The following HSH2D variants were observed in gnomAD, a reference collection of about 807,000 sequenced individuals.
The protein encoded by HSH2D is hematopoietic SH2 domain containing.
A neutral mutation model predicts 21.5 loss-of-function variants in HSH2D; 16 were observed. The ratio of observed to expected loss-of-function variants is 0.74; its 90% CI spans 0.50 to 1.13. The LOEUF (loss-of-function observed/expected upper bound fraction) is 1.13, where lower values mean the gene tolerates loss of function less well. HSH2D is among the 50% of genes most tolerant of loss of function. The pLI is 0.00. For missense variants in HSH2D, 418 were observed against 441.4 expected (o/e 0.95, Z 0.47); for synonymous variants, 172 against 184.7 (o/e 0.93, Z 0.56).
At chr19:16,142,958 A>G (rs137901343), upstream of HSH2D, among the ~76,000 whole-genome samples, 862 of 146,468 alleles carry the variant, frequency 5.9e-3, 6 homozygotes, top group African/African-American at 0.021. Flanking sequence ...TAGTAGAGAC[A>G]GGGTTTTACC....
At chr19:16,137,840 G>C (rs1568325228) in intron 1 of HSH2D, among the ~76,000 whole-genome samples, 1 of 152,146 alleles carries the variant, frequency 6.6e-6, no homozygotes, top group Non-Finnish European at 1.5e-5. Context: ...CTCCCAAAGT[G>C]TTGGGATTAC....
chr19:16,150,187 A>G (rs2091129428), intron 2 of HSH2D, among the ~76,000 whole-genome samples: 2 of 152,016 alleles, frequency 1.3e-5, no homozygotes, highest in South Asian at 4.2e-4. Context: ...AGGCGGGAGG[A>G]TCGCTTGAGC....
In HSH2D at chr19:16,152,550, A is replaced by C; in HGVS notation, c.126-2A>C. 1 of 1,488,642 alleles carries C rather than the reference A, an allele frequency of 6.7e-7. No homozygotes were observed. Among genetic ancestry groups the C allele is most frequent in the South Asian group, 1.4e-5 (1 of 69,352 alleles). 92.2% of individuals were successfully genotyped at this position (1,488,642 alleles called of 1,614,324 possible). A position where few individuals can be genotyped will look rare whatever the true frequency, so the allele number is the denominator to read the frequency against. On this transcript the variant is annotated splice_acceptor_variant, in intron 2 of 5. Coordinates refer to ENST00000613986, the MANE Select transcript of HSH2D (RefSeq NM_001382417.1). LOFTEE classifies it high-confidence loss of function. ...ATTTCCTTTCTGTGTGTGCCCTTCC[A>C]GGGATGCTGAGAACTTGCTGGAGTC...
intron 1 of HSH2D, among the ~76,000 whole-genome samples, chr19:16,144,241 C>G (rs1568327868): frequency 1.3e-5 from 2 of 152,054 alleles, no homozygotes; most frequent in South Asian, 4.2e-4. Context: ...CTAGGAGGCC[C>G]TCAGGCTGGT....
chr19:16,153,068 A>G lies in HSH2D; in HGVS notation c.241A>G (p.Met81Val), dbSNP rs1363415276. 2 of 1,611,338 alleles carry G rather than the reference A, an allele frequency of 1.2e-6. No individual in the cohort carries two copies. Among genetic ancestry groups the G allele is most frequent in the South Asian group, 2.2e-5 (2 of 90,436 alleles). Residue 81 changes from methionine (M) to valine (V), a missense_variant, in exon 4 of 6, where the codon ATG (methionine) becomes GTG (valine). Physicochemically the swap from Met to Val is conservative, Grantham distance 21. Transcript: ENST00000613986. ...AGCCCAAAGCAGCTGCTGCCATTTC[A>G]TGGTGAAGCTCTTGGATGATGGGAC... ...YKAQSSCCHFMVKLLDDGTFM... is the reference protein window; with the variant it reads ...YKAQSSCCHFVVKLLDDGTFM...
rs1488552941 is a variant in HSH2D at position 16,151,491 on chromosome 19, G to T, written c.126-1061G>T. The stretch of plus-strand genomic sequence containing the variant: ...TACTCTCCCCTTGAGGAAGCTGAAG[G>T]TCAGAAAGGGAGAGACGATTGCCTG... On this transcript the variant is annotated intron_variant, in intron 2 of 5. Coordinates refer to ENST00000613986, the MANE Select transcript of HSH2D (RefSeq NM_001382417.1). 5 of 455,646 alleles carry T rather than the reference G, an allele frequency of 1.1e-5. No individual in the cohort carries two copies. The East Asian group carries it at 3.5e-4, about 32-fold the overall frequency. The allele number at this position is 455,646 out of a possible 1,614,324, so 28.2% of individuals were successfully genotyped here.
Position 16,157,818 on chromosome 19 carries a change from G to A in HSH2D, c.*24G>A. 6.6e-7 allele frequency: 1 copy of A among 1,507,742 alleles called. No homozygotes were observed. The allele number at this position is 1,507,742 out of a possible 1,614,324, so 93.4% of individuals were successfully genotyped here. On this transcript the variant is annotated 3_prime_UTR_variant, in exon 6 of 6. Coordinates refer to ENST00000613986, the MANE Select transcript of HSH2D (RefSeq NM_001382417.1). The surrounding 1 kb of genome is among the most constrained non-coding windows in gnomAD (Gnocchi z 4.4). The stretch of plus-strand genomic sequence containing the variant: ...AGAGAACAGGTCCACCCTGGCTCTG[G>A]GACTCGCTGCCAGGGGCTGCCACAC...
chr19:16,139,487 C>T (rs771391626), upstream of HSH2D, among the ~76,000 whole-genome samples: 5 of 152,074 alleles, frequency 3.3e-5, no homozygotes, highest in Non-Finnish European at 5.9e-5. Context: ...GAGGCTGAGG[C>T]GGGAGGATCA....
chr19:16,149,972 T>C (rs2091127530), intron 2 of HSH2D, among the ~76,000 whole-genome samples: 1 of 152,144 alleles, frequency 6.6e-6, no homozygotes, highest in African/African-American at 2.4e-5. Flanking sequence ...GGCCACTCTC[T>C]GCATGCAGGA....
chr19:16,138,108 T>C (rs893318252), intron 1 of HSH2D, among the ~76,000 whole-genome samples: 1 of 152,122 alleles, frequency 6.6e-6, no homozygotes, highest in Non-Finnish European at 1.5e-5. Context: ...CCTCAGGTGA[T>C]CCACCCACCT....
chr19:16,136,217 T>G (rs1485769575), intron 1 of HSH2D, among the ~76,000 whole-genome samples: 1 of 152,218 alleles, frequency 6.6e-6, no homozygotes. Flanking sequence ...CTGCCACGGA[T>G]GCCTGATAAA....
At chr19:16,134,933 T>C (rs1342664355) in intron 1 of HSH2D, among the ~76,000 whole-genome samples, 1 of 142,878 alleles carries the variant, frequency 7.0e-6, no homozygotes, top group African/African-American at 2.5e-5. Context: ...AAGACCATCC[T>C]GGACAACATA....
chr19:16,134,976 AAG>A (rs919742579), intron 1 of HSH2D, among the ~76,000 whole-genome samples: 5 of 151,700 alleles, frequency 3.3e-5, no homozygotes, highest in East Asian at 1.9e-4. Context: ...AAAAAAAAAA[AAG>A]TACAAAAATT....
At chr19:16,152,490 A>G (rs2091172510) in intron 2 of HSH2D, 62 bp from the exon 3 acceptor site, 19 of 964,384 alleles carry the variant, frequency 2.0e-5, no homozygotes, top group East Asian at 8.4e-5. Flanking sequence ...TGGCCCCAGG[A>G]GTCTAACTGG....
At chr19:16,136,160 A>G (rs2090962580) in intron 1 of HSH2D, among the ~76,000 whole-genome samples, 1 of 152,112 alleles carries the variant, frequency 6.6e-6, no homozygotes, top group African/African-American at 2.4e-5. Flanking sequence ...CCGAGCACGC[A>G]CTCAGGAGGA....
intron 2 of HSH2D, among the ~76,000 whole-genome samples, chr19:16,149,284 C>G (rs2091115952): frequency 6.6e-6 from 1 of 151,832 alleles, no homozygotes; most frequent in Non-Finnish European, 1.5e-5. Context: ...CTCACTGCAA[C>G]CTCTGCCTCC....
intron 1 of HSH2D, among the ~76,000 whole-genome samples, 158 bp downstream of exon 1, chr19:16,143,932 A>G (rs969969656): frequency 1.3e-5 from 2 of 151,968 alleles, no homozygotes; most frequent in African/African-American, 2.4e-5. Context: ...TGTGGTGACC[A>G]CAAATGGAAA....
At chr19:16,145,170 C>T (rs2091051306) in intron 1 of HSH2D, among the ~76,000 whole-genome samples, 1 of 151,786 alleles carries the variant, frequency 6.6e-6, no homozygotes, top group Admixed American at 6.6e-5. Flanking sequence ...TCCTGAGTAG[C>T]TGAGACTACA....
intron 5 of HSH2D, among the ~76,000 whole-genome samples, chr19:16,155,031 C>G (rs990361596): frequency 1.1e-4 from 16 of 152,208 alleles, no homozygotes; most frequent in African/African-American, 3.4e-4. Flanking sequence ...GAGACTCCAT[C>G]TGGCTTGTTT....
Sources: allele counts gnomAD v4.1 joint callset (sites outside exome capture counted in the v4.1 genomes callset), GRCh38; gene constraint gnomAD v4.1.1; non-coding constraint Gnocchi (gnomAD v3.1); transcripts MANE v1.5; gene names NCBI Gene and HGNC (gene_info 2026-07-23, HGNC 2026-07-21).